PARP4: variants seen among roughly 807,000 people sequenced by gnomAD.
The protein encoded by PARP4 is protein mono-ADP-ribosyltransferase PARP4.
Under a neutral mutation model 187.7 loss-of-function variants are expected in PARP4, and 120 were observed. The ratio of observed to expected loss-of-function variants is 0.64; its 90% CI spans 0.55 to 0.74. The LOEUF is 0.74. Among genes scored for constraint, PARP4 ranks in the 30% least tolerant of loss-of-function variants. The pLI is 0.00. For missense variants in PARP4, 1,836 were observed against 2,070.5 expected (o/e 0.89, Z 2.20); for synonymous variants, 654 against 740.9 (o/e 0.88, Z 1.90).
chr13:24,439,092 G>A (rs1870784658), intron 30 of PARP4, among the ~76,000 whole-genome samples: 2 of 152,134 alleles, frequency 1.3e-5, no homozygotes, highest in African/African-American at 4.8e-5. Context: ...TGCAAATTTA[G>A]TATGAAATAA....
At position 24,434,398 on chromosome 13, in the gene PARP4, T is replaced by C. The variant is rs1870497121; in HGVS notation, c.4743A>G (p.Thr1581=). ...VPWTELLSLQ[T]EDGFWKLTPE... Reference sequence around the variant, plus strand: ...TAAGGAGAAATAAGACACATACCTCTGTCTGTAGACTGAGGAGTTCTGTCC... The same window carrying C: ...TAAGGAGAAATAAGACACATACCTCCGTCTGTAGACTGAGGAGTTCTGTCC... The change falls in exon 31 of 34, where the codon ACA becomes ACG. Residue 1581 remains threonine (T), a synonymous_variant. Coordinates refer to ENST00000381989, the MANE Select transcript of PARP4 (RefSeq NM_006437.4). 6.5e-7 allele frequency: 1 copy of C among 1,538,660 alleles called. No individual in the cohort carries two copies. Among genetic ancestry groups the C allele is most frequent in the African/African-American group, 1.4e-5 (1 of 72,498 alleles).
At chr13:24,497,804 A>G (rs1274201704) in intron 6 of PARP4, among the ~76,000 whole-genome samples, 1 of 152,178 alleles carries the variant, frequency 6.6e-6, no homozygotes, top group Non-Finnish European at 1.5e-5. Context: ...TCATGTGTAG[A>G]GATGAGGACA....
chr13:24,498,751 GA>G (rs5802285), intron 5 of PARP4, among the ~76,000 whole-genome samples: 54,643 of 147,718 alleles, frequency 0.37, 10,033 homozygotes, highest in Middle Eastern at 0.41. Context: ...CATTTGTGGG[GA>G]AAAAAAAAAA....
At chr13:24,444,727 C>T (rs1243306075) in intron 27 of PARP4, among the ~76,000 whole-genome samples, 1 of 152,174 alleles carries the variant, frequency 6.6e-6, no homozygotes, top group Non-Finnish European at 1.5e-5. Context: ...TTTTGAGATG[C>T]TATTCAGAGG....
At chr13:24,503,805 C>A in intron 1 of PARP4, 28 bp from the exon 2 acceptor site, 1 of 1,600,230 alleles carries the variant, frequency 6.2e-7, no homozygotes, top group Non-Finnish European at 8.6e-7. Flanking sequence ...TTTAAGGACC[C>A]TCTCTTAAGT....
chr13:24,468,738 T>C (rs1286589868), intron 17 of PARP4, among the ~76,000 whole-genome samples: 1 of 152,166 alleles, frequency 6.6e-6, no homozygotes, highest in Non-Finnish European at 1.5e-5. Context: ...ATGAAAGTTA[T>C]ATACCTCAAA....
intron 11 of PARP4, 91 bp downstream of exon 11, chr13:24,486,077 C>G: frequency 1.7e-6 from 2 of 1,145,172 alleles, no homozygotes; most frequent in African/African-American, 1.6e-5. Context: ...AAAAGACTCA[C>G]GTAATATAGA....
At chr13:24,467,055 C>G (rs1467971067) in intron 17 of PARP4, among the ~76,000 whole-genome samples, 5 of 152,122 alleles carry the variant, frequency 3.3e-5, no homozygotes, top group African/African-American at 9.7e-5. Context: ...AGTACGCTAT[C>G]TAAGTAGTAT....
intron 30 of PARP4, among the ~76,000 whole-genome samples, chr13:24,438,582 G>A (rs557730609): frequency 1.3e-5 from 2 of 152,332 alleles, no homozygotes; most frequent in Admixed American, 6.5e-5. Flanking sequence ...CCTCTCGCTT[G>A]TTCTCAATGT....
At chr13:24,459,437 A>C (rs1008944759) in intron 18 of PARP4, 127 bp from the exon 19 acceptor site, 2 of 875,484 alleles carry the variant, frequency 2.3e-6, no homozygotes, top group Admixed American at 3.4e-5. Flanking sequence ...TCAAGCAGTG[A>C]AACACAGAAA....
At chr13:24,429,264 A>C (rs1156882910) in intron 32 of PARP4, among the ~76,000 whole-genome samples, 2 of 152,074 alleles carry the variant, frequency 1.3e-5, no homozygotes, top group African/African-American at 4.8e-5. Flanking sequence ...TATATTTTTA[A>C]TAGCAGTTTT....
intron 1 of PARP4, among the ~76,000 whole-genome samples, chr13:24,509,225 G>C (rs1484818972): frequency 6.6e-6 from 1 of 152,172 alleles, no homozygotes; most frequent in Non-Finnish European, 1.5e-5. Flanking sequence ...TATTGAATTA[G>C]GCCAGGCAAT....
At chr13:24,474,955 G>A (rs1343012859) in intron 15 of PARP4, among the ~76,000 whole-genome samples, 1 of 152,140 alleles carries the variant, frequency 6.6e-6, no homozygotes, top group Non-Finnish European at 1.5e-5. Flanking sequence ...GCGCGCCTGG[G>A]CCAGATCAGC....
intron 12 of PARP4, among the ~76,000 whole-genome samples, chr13:24,482,654 TTG>T (rs1455318845): frequency 5.5e-5 from 6 of 108,172 alleles, no homozygotes; most frequent in African/African-American, 1.3e-4. Flanking sequence ...GTTATGTACA[TTG>T]TTTTTTTTTT....
chr13:24,443,179 A>G (rs1256961691), intron 28 of PARP4, among the ~76,000 whole-genome samples: 2 of 126,544 alleles, frequency 1.6e-5, no homozygotes, highest in African/African-American at 3.1e-5. Context: ...CATCCCTCAG[A>G]GAACAGCTGG....
chr13:24,430,087 T>C (rs572814768), intron 32 of PARP4, among the ~76,000 whole-genome samples: 23 of 152,358 alleles, frequency 1.5e-4, no homozygotes, highest in African/African-American at 5.1e-4. Flanking sequence ...TTTAAATATT[T>C]TATTCAAAGT....
intron 12 of PARP4, among the ~76,000 whole-genome samples, chr13:24,479,611 C>T (rs894120993): frequency 6.6e-5 from 10 of 152,010 alleles, no homozygotes; most frequent in African/African-American, 2.4e-4. Context: ...CTGTGTCTAG[C>T]TAATCTGGTG....
At chr13:24,429,485 G>A (rs926194988) in intron 32 of PARP4, among the ~76,000 whole-genome samples, 5 of 152,202 alleles carry the variant, frequency 3.3e-5, no homozygotes, top group Admixed American at 2.6e-4. Context: ...GGTAGGTCCT[G>A]TGTAGGCTTT....
At chr13:24,507,360 A>T (rs1010885124) in intron 1 of PARP4, among the ~76,000 whole-genome samples, 3 of 152,152 alleles carry the variant, frequency 2.0e-5, no homozygotes, top group African/African-American at 2.4e-5. Flanking sequence ...TGTGTGTTGG[A>T]TGGTGGTACC....
Sources: gnomAD v4.1 joint callset for allele counts (sites outside exome capture counted in the v4.1 genomes callset) on GRCh38, gnomAD v4.1.1 for gene constraint, MANE v1.5 for transcripts, NCBI Gene and HGNC (gene_info 2026-07-23, HGNC 2026-07-21) for gene names.